The following AGRN variants were observed in gnomAD, a reference collection of about 807,000 sequenced individuals.
AGRN encodes the protein agrin proteoglycan.
A neutral mutation model predicts 211.0 loss-of-function variants in AGRN; 106 were observed. That is an observed-to-expected ratio of 0.50 (90% CI 0.43 to 0.59). The LOEUF is 0.59. Among genes scored for constraint, AGRN ranks in the 20% least tolerant of loss-of-function variants. The probability of loss-of-function intolerance (pLI) is 0.00; values close to 1 mark genes in which losing one functional copy is unlikely to be tolerated. For missense variants in AGRN, 3,040 were observed against 2,982.6 expected (o/e 1.02, Z -0.45); for synonymous variants, 1,525 against 1,332.5 (o/e 1.14, Z -3.15).
intron 1 of AGRN, 139 bp from the exon 2 acceptor site, chr1:1,022,062 G>C (rs1448265521): frequency 1.6e-5 from 18 of 1,092,842 alleles, no homozygotes; most frequent in Non-Finnish European, 2.4e-5. Context: ...TCCGCCCAGC[G>C]GGCTGACTCA....
rs1269017451 is a variant in AGRN at position 1,031,175 on chromosome 1, G to A, written c.464-4102G>A. Among the ~76,000 whole-genome samples the A allele has an allele frequency of 1.4e-5, 2 of 145,740 alleles. No homozygotes were observed. Among genetic ancestry groups the A allele is most frequent in the Non-Finnish European group, 3.0e-5 (2 of 66,646 alleles). ...CTGTGTGAGATTGTGTGTGTGCAGT[G>A]CATGGTGCTGAGTGTGAGATCAGCA... On this transcript the variant is annotated intron_variant, in intron 2 of 35. Coordinates refer to ENST00000379370, the MANE Select transcript of AGRN (RefSeq NM_198576.4). This position sits in a 1 kb window ranked among gnomAD's most constrained non-coding sequence, Gnocchi z 4.8.
At chr1:1,024,375 T>A (rs892969477) in intron 2 of AGRN, among the ~76,000 whole-genome samples, 2 of 151,968 alleles carry the variant, frequency 1.3e-5, no homozygotes, top group African/African-American at 4.8e-5. Context: ...AACCCCACCC[T>A]GGGCCCTCTG....
chr1:1,044,121 C>T lies in AGRN; in HGVS notation c.2012C>T (p.Ser671Phe). ...CCCTTCCCCGCAGCCGAGTGCGGTT[C>T]CGGAGGCTCTGGCTCTGGGGAGGAC... is the stretch of plus-strand genomic sequence containing the variant. ...AGPCEQAECGSGGSGSGEDGD... is the reference protein window; with the variant it reads ...AGPCEQAECGFGGSGSGEDGD... The change falls in exon 11 of 36, where the codon TCC becomes TTC. Residue 671 changes from serine (S) to phenylalanine (F), a missense_variant. Ser to Phe is a radical substitution (Grantham distance 155). Around this residue, in one of 3 missense-constraint regions of AGRN, gnomAD observed 1,498 missense variants for 1,457.8 expected, o/e 1.03. Coordinates refer to ENST00000379370, the MANE Select transcript of AGRN (RefSeq NM_198576.4). 1 of 1,613,286 alleles carries T rather than the reference C, an allele frequency of 6.2e-7. No individual in the cohort carries two copies. Among genetic ancestry groups the T allele is most frequent in the Non-Finnish European group, 8.5e-7 (1 of 1,179,938 alleles).
chr1:1,047,915 C>G lies in AGRN; in HGVS notation c.3751+20C>G. On this transcript the variant is annotated intron_variant, in intron 22 of 35. Coordinates refer to ENST00000379370, the MANE Select transcript of AGRN (RefSeq NM_198576.4). ...ACTTTGGTGAGCGCCAGGCCACGAG[C>G]CACAGCTTACCTGCCCCCTCCTCTG... 6.2e-7 allele frequency: 1 copy of G among 1,603,726 alleles called. No individual in the cohort carries two copies. The highest frequency in any genetic ancestry group is 2.2e-5 in the East Asian group (1 of 44,532).
chr1:1,051,885 C>T, intron 33 of AGRN, 70 bp downstream of exon 33: 8 of 1,579,490 alleles, frequency 5.1e-6, no homozygotes, highest in Non-Finnish European at 6.9e-6. Flanking sequence ...GACCCCCACA[C>T]CAGGAGGGCC....
In AGRN at chr1:1,024,877, G is replaced by T. The variant is rs1031854747; in HGVS notation, c.463+2415G>T. Among the ~76,000 whole-genome samples, 11 of 152,204 alleles carry T rather than the reference G, an allele frequency of 7.2e-5. No individual in the cohort carries two copies. In the South Asian group the frequency reaches 2.1e-3, roughly 29 times the overall value. ...CGCCACCTTTGGGCGGGGGAGGCCC[G>T]CTGCTCCCTCCGGAAGGAGACCCCC... On this transcript the variant is annotated intron_variant, in intron 2 of 35. Transcript: ENST00000379370.
Position 1,049,811 on chromosome 1 carries a change from G to A in AGRN, c.4744+16G>A, listed in dbSNP as rs542139673. The A allele has an allele frequency of 6.2e-6, 10 of 1,605,870 alleles. No individual in the cohort carries two copies. In the Admixed American group the frequency reaches 1.0e-4, roughly 16 times the overall value. ...GGCCGCGTCGGTGAGGGTGGGGCCG[G>A]GGCGGGTGGGAGTGGGACCCCGGGG... On this transcript the variant is annotated intron_variant, in intron 26 of 35. Coordinates refer to ENST00000379370, the MANE Select transcript of AGRN (RefSeq NM_198576.4).
At position 1,054,027 on chromosome 1, in the gene AGRN, C is replaced by G. The variant is rs781624615; in HGVS notation, c.5876+50C>G. 5.9e-6 allele frequency: 9 copies of G among 1,533,080 alleles called. No homozygotes were observed. In the Middle Eastern group the frequency reaches 8.9e-4, roughly 151 times the overall value. 95.0% of individuals were successfully genotyped at this position (1,533,080 alleles called of 1,614,324 possible). ...AGAATAGTGGCGAGGGCTGCCCAGA[C>G]TTGCCCAGCTGGGCTGTGTCCAGTC... On this transcript the variant is annotated intron_variant, in intron 34 of 35. Coordinates refer to ENST00000379370, the MANE Select transcript of AGRN (RefSeq NM_198576.4).
chr1:1,042,256 T>A, intron 7 of AGRN, 94 bp downstream of exon 7: 1 of 1,425,106 alleles, frequency 7.0e-7, no homozygotes, highest in African/African-American at 1.4e-5. Flanking sequence ...ATCATGTTCC[T>A]CTTGGGGTCC....
At chr1:1,024,193 C>G (rs1644470192) in intron 2 of AGRN, among the ~76,000 whole-genome samples, 1 of 152,056 alleles carries the variant, frequency 6.6e-6, no homozygotes, top group Non-Finnish European at 1.5e-5. Context: ...GGGTCCCTGG[C>G]TGCCGGGACA....
chr1:1,022,353 C>A lies in AGRN; in HGVS notation c.354C>A (p.Asn118Lys). The change falls in exon 2 of 36, where the codon AAC (asparagine) becomes AAA (lysine). Residue 118 changes from asparagine (N) to lysine (K), a missense_variant. By Grantham distance (94) the Asn-to-Lys change is moderately conservative (BLOSUM62 0). This residue lies in a region of AGRN where 1,498 missense variants were observed against 1,457.8 expected (regional missense o/e 1.03). Coordinates refer to ENST00000379370, the MANE Select transcript of AGRN (RefSeq NM_198576.4). ...GGGACACCAGGATCTTCTTTGTGAA[C>A]CCTGCACCCCCATACCTGTGGCCAG... Reference protein sequence around the residue: ...STGDTRIFFVNPAPPYLWPAH... With the variant: ...STGDTRIFFVKPAPPYLWPAH... 6.2e-7 allele frequency: 1 copy of A among 1,613,394 alleles called. No individual in the cohort carries two copies. Among genetic ancestry groups the A allele is most frequent in the Non-Finnish European group, 8.5e-7 (1 of 1,180,014 alleles).
At chr1:1,042,905 G>A (rs2100642170) in intron 7 of AGRN, among the ~76,000 whole-genome samples, 1 of 152,182 alleles carries the variant, frequency 6.6e-6, no homozygotes, top group African/African-American at 2.4e-5. Context: ...ACATGCATGG[G>A]TGTCCTGGGG....
At chr1:1,043,218 G>A (rs1398931789) in intron 7 of AGRN, 21 bp from the exon 8 acceptor site, 7 of 1,544,420 alleles carry the variant, frequency 4.5e-6, no homozygotes, top group Non-Finnish European at 5.2e-6. Flanking sequence ...TGGGACCACT[G>A]AGCCCCTGTG....
At chr1:1,040,903 C>T (rs1644912858) in intron 4 of AGRN, 23 bp downstream of exon 4, 5 of 1,400,448 alleles carry the variant, frequency 3.6e-6, no homozygotes, top group Non-Finnish European at 4.6e-6. Flanking sequence ...GGGCCGGTGC[C>T]TGGGGCGGGG....
intron 29 of AGRN, 44 bp from the exon 30 acceptor site, chr1:1,050,682 G>A (rs777552858): frequency 6.2e-7 from 1 of 1,602,340 alleles, no homozygotes; most frequent in Non-Finnish European, 8.5e-7. Flanking sequence ...TGGTCGCGTG[G>A]CCGGTGGTGG....
intron 2 of AGRN, chr1:1,034,391 A>T: frequency 1.0e-6 from 1 of 985,526 alleles, no homozygotes; most frequent in Non-Finnish European, 1.2e-6. Flanking sequence ...TGGAGCCGGG[A>T]CCTGGCACCC....
intron 1 of AGRN, among the ~76,000 whole-genome samples, chr1:1,021,245 C>T (rs1264134528): frequency 6.6e-6 from 1 of 152,212 alleles, no homozygotes; most frequent in Admixed American, 6.5e-5. Flanking sequence ...TGCCAGGCCC[C>T]TGCAGGATTT....
chr1:1,045,155 C>A lies in AGRN; in HGVS notation c.2255-6C>A. ...TGAAATCTGAGTCCCGTACCCTTTC[C>A]TGCAGGCCCCACCTTCGCCCCGCTG... On this transcript the variant is annotated splice_region_variant and splice_polypyrimidine_tract_variant and intron_variant, in intron 12 of 35. Coordinates refer to ENST00000379370, the MANE Select transcript of AGRN (RefSeq NM_198576.4). The A allele has an allele frequency of 6.2e-7, 1 of 1,611,758 alleles. No individual in the cohort carries two copies. The highest frequency in any genetic ancestry group is 8.5e-7 in the Non-Finnish European group (1 of 1,179,738).
chr1:1,026,729 C>G (rs1159829212), intron 2 of AGRN, among the ~76,000 whole-genome samples: 2 of 152,142 alleles, frequency 1.3e-5, no homozygotes, highest in African/African-American at 4.8e-5. Context: ...GACGGAAACA[C>G]CGTGGTGGCC....
Sources: gnomAD v4.1 joint callset for allele counts (sites outside exome capture counted in the v4.1 genomes callset) on GRCh38, gnomAD v4.1.1 for gene constraint, gnomAD v4.1.1 regional missense constraint, Gnocchi (gnomAD v3.1) non-coding constraint, MANE v1.5 for transcripts, NCBI Gene and HGNC (gene_info 2026-07-23, HGNC 2026-07-21) for gene names.